The following WWOX variants were observed in gnomAD, a reference collection of about 807,000 sequenced individuals.
WWOX encodes the protein WW domain-containing oxidoreductase.
WWOX carries 69 observed loss-of-function variants against 46.2 expected under a neutral mutation model. That is an observed-to-expected ratio of 1.49 (90% confidence interval 1.23 to 1.82). The LOEUF (loss-of-function observed/expected upper bound fraction) is 1.82, where lower values mean the gene tolerates loss of function less well. Among genes scored for constraint, WWOX ranks in the 40% most tolerant of loss-of-function variants. The probability of loss-of-function intolerance (pLI) is 0.00; values close to 1 mark genes in which losing one functional copy is unlikely to be tolerated. For missense variants in WWOX, 919 were observed against 542.6 expected, an observed-to-expected ratio of 1.69 and a Z score of -6.89; for synonymous variants, 359 against 202.6, an observed-to-expected ratio of 1.77 and a Z score of -6.56.
chr16:79,191,161 C>G (rs546695889), intron 8 of WWOX, among the ~76,000 whole-genome samples: 2 of 152,180 alleles, frequency 1.3e-5, no homozygotes, highest in African/African-American at 2.4e-5. Context: ...TCAAGCGATT[C>G]TTCTGCCTCA....
intron 8 of WWOX, among the ~76,000 whole-genome samples, chr16:78,594,429 GCCCCCCCCC>G (rs138806967): frequency 3.1e-5 from 1 of 32,380 alleles, no homozygotes; most frequent in African/African-American, 1.4e-4. Context: ...CTGAGGAAAG[GCCCCCCCCC>G]CCCCCCCGCC....
chr16:78,131,010 A>G (rs74994814), intron 4 of WWOX, among the ~76,000 whole-genome samples: 1,781 of 152,342 alleles, frequency 0.012, 38 homozygotes, highest in African/African-American at 0.041. Flanking sequence ...CTTGTATAGC[A>G]TGGTACCGAA....
rs558083038 is a variant in WWOX, at chr16:78,576,005, G to A, written c.1056+143253G>A. Among the ~76,000 whole-genome samples, 53 of 151,988 alleles carry A rather than the reference G, an allele frequency of 3.5e-4. 1 individual carries two copies. Among genetic ancestry groups the A allele is most frequent in the African/African-American group, 1.3e-3 (52 of 41,436 alleles). On this transcript the variant is annotated intron_variant, in intron 8 of 8. Coordinates refer to ENST00000566780, the MANE Select transcript of WWOX (RefSeq NM_016373.4). Reference sequence around the variant, plus strand: ...TTTTTCATTTTTCAGAGCATGTACTGGATTATCATTTATTTATGAGGCTTT... The same window carrying A: ...TTTTTCATTTTTCAGAGCATGTACTAGATTATCATTTATTTATGAGGCTTT...
In WWOX at chr16:78,339,921, C is replaced by T. The variant is rs545478062; in HGVS notation, c.517-46939C>T. ...GAATTTTAGGTATTCAGATCCTAGA[C>T]CTCCCAGATGGCCTCATAAGTATTT... On this transcript the variant is annotated intron_variant, in intron 5 of 8. Transcript: ENST00000566780. Among the ~76,000 whole-genome samples, 3 of 107,708 alleles carry T rather than the reference C, an allele frequency of 2.8e-5. 1 individual carries two copies. Among genetic ancestry groups the T allele is most frequent in the South Asian group, 2.9e-4 (1 of 3,468 alleles). 70.7% of individuals were successfully genotyped at this position (107,708 alleles called of 152,430 possible). A position where few individuals can be genotyped will look rare whatever the true frequency, so the allele number is the denominator to read the frequency against.
chr16:78,572,526 C>CG (rs1470315527), intron 8 of WWOX, among the ~76,000 whole-genome samples: 1 of 138,656 alleles, frequency 7.2e-6, no homozygotes, highest in Non-Finnish European at 1.5e-5. Flanking sequence ...CCTCTTGAGC[C>CG]GGGAAGGTCG....
chr16:79,024,490 G>T (rs1000181336), intron 8 of WWOX, among the ~76,000 whole-genome samples: 16 of 152,070 alleles, frequency 1.1e-4, no homozygotes, highest in South Asian at 2.1e-4. Flanking sequence ...CTGGAGTGCA[G>T]TGGTGCTATC....
chr16:79,019,480 T>C (rs774238084), intron 8 of WWOX, among the ~76,000 whole-genome samples: 2 of 152,092 alleles, frequency 1.3e-5, no homozygotes, highest in Non-Finnish European at 2.9e-5. Context: ...ACAGTAAAAA[T>C]ATGATATTAT....
At chr16:78,718,337 C>T (rs537494706) in intron 8 of WWOX, among the ~76,000 whole-genome samples, 1 of 151,234 alleles carries the variant, frequency 6.6e-6, no homozygotes, top group Admixed American at 6.6e-5. Context: ...TATTGTGGTG[C>T]CAAAAAAATT....
intron 8 of WWOX, among the ~76,000 whole-genome samples, chr16:78,527,447 T>C (rs1291641038): frequency 1.6e-4 from 24 of 151,806 alleles, no homozygotes; most frequent in Admixed American, 1.6e-3. Flanking sequence ...GCATCCACCA[T>C]CACACCTGGC....
intron 8 of WWOX, among the ~76,000 whole-genome samples, chr16:79,026,948 A>G (rs2047657187): frequency 6.6e-6 from 1 of 151,268 alleles, no homozygotes; most frequent in Non-Finnish European, 1.5e-5. Context: ...TAGACTCTTA[A>G]TGAATTTTTG....
chr16:78,670,460 A>G (rs1299846298), intron 8 of WWOX, among the ~76,000 whole-genome samples: 1 of 152,116 alleles, frequency 6.6e-6, no homozygotes, highest in Non-Finnish European at 1.5e-5. Flanking sequence ...GATCTCTGAG[A>G]AACTTACCAG....
chr16:78,743,367 A>T (rs1174446899), intron 8 of WWOX, among the ~76,000 whole-genome samples: 2 of 152,186 alleles, frequency 1.3e-5, no homozygotes, highest in Non-Finnish European at 2.9e-5. Flanking sequence ...ATTCTCAAAC[A>T]GAATCTTCCC....
chr16:78,895,888 ATTCT>A (rs752315340), intron 8 of WWOX: 2 of 152,208 alleles, frequency 1.3e-5, no homozygotes, highest in East Asian at 3.9e-4. Context: ...AACCTCAGTC[ATTCT>A]TTCGTATTAC....
intron 8 of WWOX, among the ~76,000 whole-genome samples, chr16:79,034,134 A>G (rs2047820371): frequency 6.6e-6 from 1 of 152,098 alleles, no homozygotes; most frequent in Admixed American, 6.6e-5. Context: ...CACTCTTGAC[A>G]TTTTTTATAT....
intron 8 of WWOX, among the ~76,000 whole-genome samples, chr16:78,852,428 T>C (rs1359154085): frequency 6.6e-6 from 1 of 152,168 alleles, no homozygotes; most frequent in Admixed American, 6.5e-5. Context: ...AACAGCACCA[T>C]GGGGAGATCC....
chr16:78,680,100 G>C (rs949120012), intron 8 of WWOX, among the ~76,000 whole-genome samples: 10 of 152,214 alleles, frequency 6.6e-5, no homozygotes, highest in Non-Finnish European at 1.3e-4. Context: ...CAGGCTTAGA[G>C]TGAAGTTTAA....
chr16:78,510,508 G>T (rs764226163), intron 8 of WWOX, among the ~76,000 whole-genome samples: 1 of 151,920 alleles, frequency 6.6e-6, no homozygotes, highest in African/African-American at 2.4e-5. Flanking sequence ...CCACCGTGCC[G>T]GCCACTTTCA....
At chr16:79,142,712 T>G (rs1232001945) in intron 8 of WWOX, among the ~76,000 whole-genome samples, 2 of 152,186 alleles carry the variant, frequency 1.3e-5, no homozygotes, top group East Asian at 3.9e-4. Flanking sequence ...GTTTTGTTTC[T>G]TTTTGAGATA....
At chr16:78,513,412 C>T (rs962137517) in intron 8 of WWOX, among the ~76,000 whole-genome samples, 4 of 152,144 alleles carry the variant, frequency 2.6e-5, no homozygotes, top group African/African-American at 7.2e-5. Flanking sequence ...GTGGGGGAAT[C>T]AGTGAGGCTA....
Sources: gnomAD v4.1 joint callset for allele counts (sites outside exome capture counted in the v4.1 genomes callset) on GRCh38, gnomAD v4.1.1 for gene constraint, MANE v1.5 for transcripts, NCBI Gene and HGNC (gene_info 2026-07-23, HGNC 2026-07-21) for gene names.